Variants in CSMD1 observed in about 807,000 individuals in gnomAD.
CSMD1 encodes the protein CUB and sushi domain-containing protein 1.
In CSMD1, 213 loss-of-function variants were observed where a neutral mutation model predicts 417.5. The ratio of observed to expected loss-of-function variants is 0.51; its 90% CI spans 0.46 to 0.57. The LOEUF (loss-of-function observed/expected upper bound fraction) is 0.57, where lower values mean the gene tolerates loss of function less well. Ranked by LOEUF, CSMD1 falls within the 20% of genes least tolerant of loss-of-function variation. The probability of loss-of-function intolerance (pLI) is 0.00; values close to 1 mark genes in which losing one functional copy is unlikely to be tolerated. For synonymous variants in CSMD1, 2,862 were observed against 1,736.8 expected (o/e 1.65, Z -16.11); for missense variants, 6,923 against 4,529.7 (o/e 1.53, Z -15.17).
rs1386544818 is a variant in CSMD1 at position 3,576,197 on chromosome 8, G to C, written c.1223-1131C>G. Among the ~76,000 whole-genome samples, 5 of 152,022 alleles carry C rather than the reference G, an allele frequency of 3.3e-5. No individual in the cohort carries two copies. The East Asian group carries it at 5.8e-4, about 18-fold the overall frequency. Reference sequence around the variant, plus strand: ...CAAGGGCTACTTTGTGGGGGGACAAGAATTAACCACTGAACGCAGGTTTTC... The same window carrying C: ...CAAGGGCTACTTTGTGGGGGGACAACAATTAACCACTGAACGCAGGTTTTC... On this transcript the variant is annotated intron_variant, in intron 9 of 69. Coordinates refer to ENST00000635120, the MANE Select transcript of CSMD1 (RefSeq NM_033225.6).
In CSMD1 at chr8:4,159,123, G is replaced by A. The variant is rs769314696; in HGVS notation, c.416-127024C>T. 3.9e-5 allele frequency among the ~76,000 whole-genome samples: 6 copies of A among 151,992 alleles called. No individual in the cohort carries two copies. The East Asian group carries it at 1.2e-3, about 30-fold the overall frequency. ...TAGAGACGAGGCTTCTCCATAGTTG[G>A]CAGGCTGGTCTTGAACTCCCAACTT... On this transcript the variant is annotated intron_variant, in intron 3 of 69. Coordinates refer to ENST00000635120, the MANE Select transcript of CSMD1 (RefSeq NM_033225.6).
At chr8:4,188,973 C>G (rs559923278) in intron 3 of CSMD1, among the ~76,000 whole-genome samples, 4 of 152,284 alleles carry the variant, frequency 2.6e-5, no homozygotes, top group East Asian at 1.9e-4. Flanking sequence ...TGAGGGGACC[C>G]AGACCTAATG....
intron 5 of CSMD1, among the ~76,000 whole-genome samples, chr8:3,852,341 G>A (rs184749375): frequency 3.3e-5 from 5 of 152,178 alleles, no homozygotes; most frequent in Admixed American, 2.6e-4. Context: ...ATGGCCCGAA[G>A]GAAGCAGTGC....
At chr8:4,156,990 G>C (rs1195552058) in intron 3 of CSMD1, among the ~76,000 whole-genome samples, 2 of 152,084 alleles carry the variant, frequency 1.3e-5, no homozygotes, top group Non-Finnish European at 2.9e-5. Context: ...ATACATCCCA[G>C]ATGATATTAA....
At chr8:4,115,931 G>A (rs1242690110) in intron 3 of CSMD1, among the ~76,000 whole-genome samples, 10 of 152,034 alleles carry the variant, frequency 6.6e-5, no homozygotes, top group African/African-American at 2.4e-4. Flanking sequence ...GGGGCAGGGA[G>A]AAGTAAACAC....
intron 2 of CSMD1, among the ~76,000 whole-genome samples, chr8:4,588,447 T>C (rs1799814360): frequency 6.6e-6 from 1 of 151,538 alleles, no homozygotes; most frequent in East Asian, 2.0e-4. Context: ...AGCCAGTCTG[T>C]CCTCTCTGCA....
chr8:3,752,426 A>G (rs1797388802), intron 6 of CSMD1, among the ~76,000 whole-genome samples: 1 of 152,058 alleles, frequency 6.6e-6, no homozygotes, highest in Admixed American at 6.6e-5. Flanking sequence ...AGGCCGAGGC[A>G]GGCAGATCAT....
At chr8:4,374,845 T>G (rs1267657030) in intron 3 of CSMD1, among the ~76,000 whole-genome samples, 1 of 151,088 alleles carries the variant, frequency 6.6e-6, no homozygotes, top group Non-Finnish European at 1.5e-5. Context: ...AGAGTGAATT[T>G]AAAGAACCTA....
chr8:3,229,664 G>T (rs540180015), intron 27 of CSMD1, among the ~76,000 whole-genome samples: 12 of 152,264 alleles, frequency 7.9e-5, no homozygotes, highest in Middle Eastern at 3.4e-3. Flanking sequence ...AGTACTTTTA[G>T]TGAGTAGGTT....
intron 7 of CSMD1, among the ~76,000 whole-genome samples, chr8:3,696,319 G>C (rs568463221): frequency 6.6e-6 from 1 of 152,170 alleles, no homozygotes; most frequent in Non-Finnish European, 1.5e-5. Flanking sequence ...TTCCATCTCC[G>C]AAGCACTTCA....
At chr8:3,639,741 T>G (rs1797214721) in intron 7 of CSMD1, among the ~76,000 whole-genome samples, 1 of 152,222 alleles carries the variant, frequency 6.6e-6, no homozygotes, top group Admixed American at 6.5e-5. Context: ...TCTTTTGCAT[T>G]TATTCACTAA....
At chr8:4,396,817 T>G (rs918555934) in intron 3 of CSMD1, among the ~76,000 whole-genome samples, 9 of 151,940 alleles carry the variant, frequency 5.9e-5, no homozygotes, top group African/African-American at 1.9e-4. Context: ...TTATAAGAAG[T>G]GGGAGCTAAG....
At chr8:3,500,033 C>G (rs551848692) in intron 10 of CSMD1, among the ~76,000 whole-genome samples, 28 of 152,210 alleles carry the variant, frequency 1.8e-4, no homozygotes, top group African/African-American at 6.5e-4. Context: ...ATACAGGCAT[C>G]TGGGGTGGGA....
chr8:3,439,153 C>CAAAAAAAAAAA (rs1563390140), intron 12 of CSMD1, among the ~76,000 whole-genome samples: 1 of 39,894 alleles, frequency 2.5e-5, no homozygotes, highest in East Asian at 9.7e-4. Context: ...AAAAAAAAAA[C>CAAAAAAAAAAA]CAAGAAAAAA....
chr8:4,368,279 T>C (rs535862426), intron 3 of CSMD1, among the ~76,000 whole-genome samples: 1 of 152,300 alleles, frequency 6.6e-6, no homozygotes, highest in African/African-American at 2.4e-5. Flanking sequence ...GTGTATATGG[T>C]GAATCACATT....
chr8:4,787,928 T>A (rs1362171810), intron 1 of CSMD1: 1 of 1,592,050 alleles, frequency 6.3e-7, no homozygotes, highest in African/African-American at 1.3e-5. Flanking sequence ...TTGTTCTTGC[T>A]GATGTAATTG....
rs542252090 is a variant in CSMD1, at chr8:4,048,003, T to G, written c.416-15904A>C. Reference sequence around the variant, plus strand: ...TTTCATCCTGAGAGCTTTAAGTCTTTGTATGAGAGATCAAACCGTTTTGCC... The same window carrying G: ...TTTCATCCTGAGAGCTTTAAGTCTTGGTATGAGAGATCAAACCGTTTTGCC... On this transcript the variant is annotated intron_variant, in intron 3 of 69. Transcript: ENST00000635120. Among the ~76,000 whole-genome samples the G allele has an allele frequency of 4.6e-5, 7 of 152,306 alleles. No individual in the cohort carries two copies. The East Asian group carries it at 1.4e-3, about 29-fold the overall frequency.
In CSMD1 at chr8:3,081,584, T is replaced by A. The variant is rs547094060; in HGVS notation, c.7474+5513A>T. Among the ~76,000 whole-genome samples, 32 of 152,348 alleles carry A rather than the reference T, an allele frequency of 2.1e-4. 1 individual carries two copies. The highest frequency in any genetic ancestry group is 6.2e-4 in the South Asian group (3 of 4,826). ...TTAACATTTGCATTAGTAATTACAT[T>A]CCCAATTATCTCAATGACCTTCTCT... On this transcript the variant is annotated intron_variant, in intron 49 of 69. Coordinates refer to ENST00000635120, the MANE Select transcript of CSMD1 (RefSeq NM_033225.6).
intron 11 of CSMD1, among the ~76,000 whole-genome samples, chr8:3,488,779 G>C (rs193267821): frequency 6.0e-4 from 91 of 152,258 alleles, no homozygotes; most frequent in African/African-American, 2.1e-3. Context: ...AGTTGAGTCT[G>C]TCTATACTGT....
Sources: gnomAD v4.1 joint callset for allele counts (sites outside exome capture counted in the v4.1 genomes callset) on GRCh38, gnomAD v4.1.1 for gene constraint, MANE v1.5 for transcripts, NCBI Gene and HGNC (gene_info 2026-07-23, HGNC 2026-07-21) for gene names.